PTPRD: variants seen among roughly 807,000 people sequenced by gnomAD.
PTPRD encodes the protein receptor-type tyrosine-protein phosphatase delta.
A neutral mutation model predicts 214.5 loss-of-function variants in PTPRD; 34 were observed. The ratio of observed to expected loss-of-function variants is 0.16; its 90% CI spans 0.12 to 0.21. The LOEUF is 0.21. Among genes scored for constraint, PTPRD ranks in the 10% least tolerant of loss-of-function variants. The probability of loss-of-function intolerance (pLI) is 1.00; values close to 1 mark genes in which losing one functional copy is unlikely to be tolerated. For missense variants in PTPRD, 2,545 were observed against 2,398.7 expected, an observed-to-expected ratio of 1.06 and a Z score of -1.27; for synonymous variants, 1,128 against 845.7, an observed-to-expected ratio of 1.33 and a Z score of -5.79.
At chr9:10,401,816 A>ATGTATGTATGTAATATGTATG (rs2098274893) in intron 2 of PTPRD, among the ~76,000 whole-genome samples, 1 of 151,054 alleles carries the variant, frequency 6.6e-6, no homozygotes, top group African/African-American at 2.4e-5. Context: ...CCATAACAGC[A>ATGTATGTATGTAATATGTATG]TATGTAAATA....
At chr9:9,092,651 T>C (rs995971140) in intron 10 of PTPRD, among the ~76,000 whole-genome samples, 1 of 152,082 alleles carries the variant, frequency 6.6e-6, no homozygotes, top group African/African-American at 2.4e-5. Context: ...AATTTGTCTA[T>C]TTAGGACAAA....
intron 9 of PTPRD, among the ~76,000 whole-genome samples, chr9:9,225,943 C>A (rs1324255916): frequency 6.6e-6 from 1 of 151,978 alleles, no homozygotes; most frequent in Non-Finnish European, 1.5e-5. Flanking sequence ...CAGACAGCAG[C>A]AGGAACTCCT....
chr9:9,455,011 A>T (rs2092786982), intron 8 of PTPRD, among the ~76,000 whole-genome samples: 1 of 151,694 alleles, frequency 6.6e-6, no homozygotes, highest in Admixed American at 6.6e-5. Flanking sequence ...AAAAAGAAAA[A>T]ACAACCCAAG....
intron 11 of PTPRD, among the ~76,000 whole-genome samples, chr9:8,755,545 A>G (rs570825083): frequency 9.9e-4 from 150 of 152,056 alleles, no homozygotes; most frequent in African/African-American, 3.4e-3. Context: ...AAAAAAAAAA[A>G]CAGCAGCACA....
chr9:8,563,114 A>G (rs1030206744), intron 14 of PTPRD, among the ~76,000 whole-genome samples: 5 of 152,198 alleles, frequency 3.3e-5, no homozygotes, highest in African/African-American at 9.6e-5. Context: ...AATAAGCCTG[A>G]GTGTCAGCTT....
intron 8 of PTPRD, among the ~76,000 whole-genome samples, chr9:9,411,242 G>A (rs528267789): frequency 7.8e-5 from 11 of 141,334 alleles, no homozygotes; most frequent in Non-Finnish European, 1.5e-4. Flanking sequence ...TAAATTCCCT[G>A]AGGATACATA....
intron 13 of PTPRD, among the ~76,000 whole-genome samples, chr9:8,634,216 T>C (rs964090307): frequency 6.6e-6 from 1 of 151,798 alleles, no homozygotes; most frequent in Admixed American, 6.6e-5. Context: ...TCCTGGGTAC[T>C]TGTTAGCTAA....
At chr9:9,312,299 AC>A (rs35457532) in intron 9 of PTPRD, among the ~76,000 whole-genome samples, 1 of 152,208 alleles carries the variant, frequency 6.6e-6, no homozygotes, top group African/African-American at 2.4e-5. Context: ...TAATTCCAAA[AC>A]CATGTAAATT....
intron 6 of PTPRD, among the ~76,000 whole-genome samples, chr9:9,753,123 T>A (rs546227571): frequency 1.1e-4 from 16 of 152,234 alleles, no homozygotes; most frequent in African/African-American, 3.8e-4. Flanking sequence ...GTTTTTTCAC[T>A]TTGGTTTATT....
At chr9:9,950,401 G>A (rs1239019290) in intron 4 of PTPRD, among the ~76,000 whole-genome samples, 1 of 152,154 alleles carries the variant, frequency 6.6e-6, no homozygotes, top group African/African-American at 2.4e-5. Context: ...TGGACCAACT[G>A]TCTTAAGACC....
intron 3 of PTPRD, among the ~76,000 whole-genome samples, chr9:10,040,500 A>G (rs753424892): frequency 2.6e-4 from 39 of 151,992 alleles, no homozygotes; most frequent in Admixed American, 4.6e-4. Context: ...CTGCTTATTC[A>G]CCCTTGTTTT....
chr9:9,322,723 G>T (rs937748445), intron 9 of PTPRD, among the ~76,000 whole-genome samples: 1 of 152,040 alleles, frequency 6.6e-6, no homozygotes, highest in African/African-American at 2.4e-5. Flanking sequence ...AGCACTTGTG[G>T]TTTCAACCGT....
At chr9:9,742,931 C>G (rs1023273394) in intron 6 of PTPRD, among the ~76,000 whole-genome samples, 8 of 152,164 alleles carry the variant, frequency 5.3e-5, no homozygotes, top group Non-Finnish European at 1.0e-4. Context: ...ATCAATTATA[C>G]TGTTACTATC....
rs111228988 is a variant in PTPRD at position 9,195,082 on chromosome 9, T to TTG, written c.-202-11721_-202-11720dup. On this transcript the variant is annotated intron_variant, in intron 9 of 45. Transcript: ENST00000381196. ...AATACATATATACATATGTGTGTGTTTGTGTATATATATATATATATATAT... is the reference window on the plus strand; with the variant it reads ...AATACATATATACATATGTGTGTGTTTGTGTGTATATATATATATATATATAT... 7.8e-3 allele frequency among the ~76,000 whole-genome samples: 692 copies of TTG among 88,852 alleles called. 3 individuals carry two copies. The highest frequency in any genetic ancestry group is 0.039 in the East Asian group (69 of 1,774). The allele number at this position is 88,852 out of a possible 152,430, so 58.3% of individuals were successfully genotyped here. A position where few individuals can be genotyped will look rare whatever the true frequency, so the allele number is the denominator to read the frequency against.
At chr9:8,933,338 AGGTTTT>A (rs1397218567) in intron 11 of PTPRD, among the ~76,000 whole-genome samples, 1 of 36,676 alleles carries the variant, frequency 2.7e-5, no homozygotes, top group Non-Finnish European at 7.5e-5. Flanking sequence ...CACAACCTTG[AGGTTTT>A]TTTTTTTTTT....
intron 3 of PTPRD, among the ~76,000 whole-genome samples, chr9:10,178,517 T>C (rs553902124): frequency 6.6e-5 from 10 of 152,050 alleles, no homozygotes; most frequent in African/African-American, 2.4e-4. Context: ...GAAAACTGGA[T>C]ATGAAAAATA....
At chr9:10,112,952 G>A (rs2098703559) in intron 3 of PTPRD, among the ~76,000 whole-genome samples, 1 of 152,192 alleles carries the variant, frequency 6.6e-6, no homozygotes, top group African/African-American at 2.4e-5. Flanking sequence ...CTGGAAGGAA[G>A]GTGTGAGGGA....
At chr9:9,096,531 C>T (rs1208862891) in intron 10 of PTPRD, among the ~76,000 whole-genome samples, 1 of 152,038 alleles carries the variant, frequency 6.6e-6, no homozygotes, top group Non-Finnish European at 1.5e-5. Flanking sequence ...CTGTAGAAAA[C>T]TATATAAGAT....
intron 11 of PTPRD, among the ~76,000 whole-genome samples, chr9:8,853,432 G>T (rs933600553): frequency 6.6e-6 from 1 of 152,096 alleles, no homozygotes; most frequent in African/African-American, 2.4e-5. Context: ...AAAAGGGAGA[G>T]AATTTGGACA....
Sources: allele counts gnomAD v4.1 joint callset (sites outside exome capture counted in the v4.1 genomes callset), GRCh38; gene constraint gnomAD v4.1.1; transcripts MANE v1.5; gene names NCBI Gene and HGNC (gene_info 2026-07-23, HGNC 2026-07-21).